The following DERPC variants were observed in gnomAD, a reference collection of about 807,000 sequenced individuals.
DERPC encodes the protein DERPC proline and glycine rich nuclear protein.
A neutral mutation model predicts 7.2 loss-of-function variants in DERPC; 1 was observed. The observed-to-expected ratio is 0.14, with a 90% CI of 0.05 to 0.66. The LOEUF is 0.66. Among genes scored for constraint, DERPC ranks in the 30% least tolerant of loss-of-function variants. The probability of loss-of-function intolerance (pLI) is 0.84; values close to 1 mark genes in which losing one functional copy is unlikely to be tolerated. For missense variants in DERPC, 502 were observed against 299.4 expected, an observed-to-expected ratio of 1.68 and a Z score of -4.99; for synonymous variants, 185 against 117.6, an observed-to-expected ratio of 1.57 and a Z score of -3.71.
intron 1 of DERPC, among the ~76,000 whole-genome samples, chr16:69,123,672 T>C (rs1961846039): frequency 1.3e-5 from 2 of 151,976 alleles, no homozygotes; most frequent in Non-Finnish European, 2.9e-5. Context: ...AATCAATAAA[T>C]CCAAGGGAAC....
chr16:69,128,794 G>A (rs569371716), intron 1 of DERPC, among the ~76,000 whole-genome samples: 2 of 152,166 alleles, frequency 1.3e-5, no homozygotes, highest in South Asian at 2.1e-4. Context: ...CGCCAGGCAC[G>A]GTGGCTCACG....
At chr16:69,128,867 C>T (rs1273277398) in intron 1 of DERPC, among the ~76,000 whole-genome samples, 1 of 151,986 alleles carries the variant, frequency 6.6e-6, no homozygotes, top group Non-Finnish European at 1.5e-5. Flanking sequence ...AGTTCGAAAT[C>T]AGCTTGACCA....
chr16:69,126,120 TG>T (rs1257074293), intron 1 of DERPC, among the ~76,000 whole-genome samples: 1 of 152,172 alleles, frequency 6.6e-6, no homozygotes, highest in East Asian at 1.9e-4. Context: ...TTTTCCTGGA[TG>T]GGTACAAGTG....
rs76333028 is a variant in DERPC at position 69,126,347 on chromosome 16, C to G, written c.-279-4854G>C. ...CAGTCTCCTGTTCTGAACAGGAATT[C>G]AGAACAATGGTGTCGAAAACACATT... On this transcript the variant is annotated intron_variant, in intron 1 of 2. Transcript: ENST00000519520. 1.9e-3 allele frequency among the ~76,000 whole-genome samples: 289 copies of G among 152,316 alleles called. 7 individuals are homozygous for G. The East Asian group carries it at 0.054, about 28-fold the overall frequency.
rs531861048 is a variant in DERPC, at chr16:69,118,629, T to C, written c.*225A>G. On this transcript the variant is annotated 3_prime_UTR_variant, in exon 3 of 3. Coordinates refer to ENST00000519520, the MANE Select transcript of DERPC (RefSeq NM_001002847.4). ...AGGCTTCTGGGAGGCTGGAGATCCT[T>C]TCTCTCAAGGGCAGGATTATTCCCA... is the stretch of plus-strand genomic sequence containing the variant. 2.8e-6 allele frequency: 2 copies of C among 703,276 alleles called. No individual in the cohort carries two copies. Among genetic ancestry groups the C allele is most frequent in the South Asian group, 1.5e-5 (1 of 67,458 alleles). The allele number at this position is 703,276 out of a possible 1,614,324, so 43.6% of individuals were successfully genotyped here. A position where few individuals can be genotyped will look rare whatever the true frequency, so the allele number is the denominator to read the frequency against.
chr16:69,130,784 A>T (rs1323959643), intron 1 of DERPC, among the ~76,000 whole-genome samples: 3 of 152,250 alleles, frequency 2.0e-5, no homozygotes, highest in Admixed American at 2.0e-4. Context: ...CTGTGTTAGC[A>T]TATTAATGTT....
chr16:69,124,504 A>G lies in DERPC; in HGVS notation c.-279-3011T>C, dbSNP rs537556509. On this transcript the variant is annotated intron_variant, in intron 1 of 2. Coordinates refer to ENST00000519520, the MANE Select transcript of DERPC (RefSeq NM_001002847.4). ...AGTGGCATGATCTCGGCTCACCACAACCTTCACCTTCCAGCTTCAAGTGAT... is the reference window on the plus strand; with the variant it reads ...AGTGGCATGATCTCGGCTCACCACAGCCTTCACCTTCCAGCTTCAAGTGAT... Among the ~76,000 whole-genome samples the G allele has an allele frequency of 1.6e-4, 25 of 151,802 alleles. 1 individual carries two copies. In the South Asian group the frequency reaches 1.7e-3, roughly 10 times the overall value.
chr16:69,130,043 T>C (rs180899095), intron 1 of DERPC, among the ~76,000 whole-genome samples: 1 of 152,368 alleles, frequency 6.6e-6, no homozygotes, highest in Admixed American at 6.5e-5. Flanking sequence ...AGTATTCATT[T>C]TAATCTTCCA....
At position 69,118,173 on chromosome 16, in the gene DERPC, TGA is replaced by T; in HGVS notation, c.*679_*680del. On this transcript the variant is annotated 3_prime_UTR_variant, in exon 3 of 3. Coordinates refer to ENST00000519520, the MANE Select transcript of DERPC (RefSeq NM_001002847.4). ...TTCCCATCCACATCAGTTTAAATTT[TGA>T]GGTTCTTTGATTGATTGGGAGTACC... The T allele has an allele frequency of 1.7e-6, 1 of 583,098 alleles. No individual in the cohort carries two copies. The highest frequency in any genetic ancestry group is 3.1e-6 in the Non-Finnish European group (1 of 326,868). The allele number at this position is 583,098 out of a possible 1,614,324, so 36.1% of individuals were successfully genotyped here. A position where few individuals can be genotyped will look rare whatever the true frequency, so the allele number is the denominator to read the frequency against.
chr16:69,120,968 A>C lies in DERPC; in HGVS notation c.-221-319T>G. 1 of 1,120,062 alleles carries C rather than the reference A, an allele frequency of 8.9e-7. No individual in the cohort carries two copies. The highest frequency in any genetic ancestry group is 1.4e-6 in the Non-Finnish European group (1 of 728,722). 69.4% of individuals were successfully genotyped at this position (1,120,062 alleles called of 1,614,324 possible). ...AGGCCTTGAATAACAAACCTGAGGC[A>C]GTCCTCACTCTGGGTCCTGGGAGCA... On this transcript the variant is annotated intron_variant, in intron 2 of 2. Coordinates refer to ENST00000519520, the MANE Select transcript of DERPC (RefSeq NM_001002847.4). This position sits in a 1 kb window ranked among gnomAD's most constrained non-coding sequence, Gnocchi z 4.0.
Position 69,119,854 on chromosome 16 carries a change from G to C in DERPC, c.575C>G (p.Thr192Ser). 1 of 701,356 alleles carries C rather than the reference G, an allele frequency of 1.4e-6. No homozygotes were observed. The highest frequency in any genetic ancestry group is 2.6e-6 in the Non-Finnish European group (1 of 384,960). The allele number at this position is 701,356 out of a possible 1,614,324, so 43.4% of individuals were successfully genotyped here. ...GPNLRAGVLL[T>S]SGNGPPNPRP... ...AGGATTGGGAGGACCATTCCCAGAG[G>C]TTAACAGAACACCGGCTCTCAGGTT... Residue 192 changes from threonine (T) to serine (S), a missense_variant, in exon 3 of 3, where the codon ACC (threonine) becomes AGC (serine). By Grantham distance (58) the Thr-to-Ser change is moderately conservative (BLOSUM62 1). Transcript: ENST00000519520.
chr16:69,129,755 T>C (rs1962360832), intron 1 of DERPC, among the ~76,000 whole-genome samples: 1 of 152,158 alleles, frequency 6.6e-6, no homozygotes, highest in Non-Finnish European at 1.5e-5. Flanking sequence ...GTATGATAAC[T>C]TCCCTTGCTT....
chr16:69,127,161 C>T (rs1343708530), intron 1 of DERPC, among the ~76,000 whole-genome samples: 2 of 151,676 alleles, frequency 1.3e-5, no homozygotes, highest in Non-Finnish European at 2.9e-5. Context: ...TTGCTTGAAC[C>T]TGGGAGGCGG....
In DERPC at chr16:69,119,923, G is replaced by A. The variant is rs1056360856; in HGVS notation, c.506C>T (p.Pro169Leu). The A allele has an allele frequency of 1.4e-6, 1 of 702,602 alleles. No individual in the cohort carries two copies. The highest frequency in any genetic ancestry group is 2.0e-5 in the Admixed American group (1 of 50,026). 43.5% of individuals were successfully genotyped at this position (702,602 alleles called of 1,614,324 possible). A position where few individuals can be genotyped will look rare whatever the true frequency, so the allele number is the denominator to read the frequency against. ...PRAGGLLGAG[P>L]DPRGGGPMGP... is the part of the protein sequence containing the mutation. ...CATGGGACCACCACCTCTGGGGTCA[G>A]GACCTGCTCCCAGGAGACCACCTGC... The change falls in exon 3 of 3, where the codon CCT becomes CTT. Residue 169 changes from proline (P) to leucine (L), a missense_variant. Physicochemically the swap from Pro to Leu is moderately conservative, Grantham distance 98. Coordinates refer to ENST00000519520, the MANE Select transcript of DERPC (RefSeq NM_001002847.4).
intron 1 of DERPC, among the ~76,000 whole-genome samples, chr16:69,127,703 A>G (rs955192912): frequency 4.8e-4 from 67 of 140,902 alleles, no homozygotes; most frequent in Non-Finnish European, 8.7e-4. Flanking sequence ...TCTGTCTCCC[A>G]GGTTCAAGTG....
At chr16:69,126,619 A>G (rs531326938) in intron 1 of DERPC, among the ~76,000 whole-genome samples, 2 of 152,336 alleles carry the variant, frequency 1.3e-5, no homozygotes, top group East Asian at 3.9e-4. Context: ...TGTATGTAGA[A>G]ATGAAGTTCG....
chr16:69,129,458 A>T (rs953114526), intron 1 of DERPC, among the ~76,000 whole-genome samples: 1 of 151,794 alleles, frequency 6.6e-6, no homozygotes, highest in Non-Finnish European at 1.5e-5. Context: ...AAAGGAAGAA[A>T]AGTAAAGTCC....
Position 69,121,503 on chromosome 16 carries a change from G to T in DERPC, c.-279-10C>A. 2 of 1,526,354 alleles carry T rather than the reference G, an allele frequency of 1.3e-6. No individual in the cohort carries two copies. The highest frequency in any genetic ancestry group is 1.2e-5 in the South Asian group (1 of 84,212). The allele number at this position is 1,526,354 out of a possible 1,614,324, so 94.6% of individuals were successfully genotyped here. ...AGCAAGTGAAAACAAGCTGTAGAGA[G>T]AAAAAAAGAGATTTAGGGTAATAAC... is the stretch of plus-strand genomic sequence containing the variant. On this transcript the variant is annotated splice_polypyrimidine_tract_variant and intron_variant, in intron 1 of 2. Transcript: ENST00000519520.
intron 1 of DERPC, among the ~76,000 whole-genome samples, chr16:69,122,650 C>T (rs747441415): frequency 2.6e-5 from 4 of 151,660 alleles, no homozygotes; most frequent in Non-Finnish European, 5.9e-5. Flanking sequence ...AAGTGATTCT[C>T]GTGCTTCAGC....
Sources: gnomAD v4.1 joint callset for allele counts (sites outside exome capture counted in the v4.1 genomes callset) on GRCh38, gnomAD v4.1.1 for gene constraint, Gnocchi (gnomAD v3.1) non-coding constraint, MANE v1.5 for transcripts, NCBI Gene and HGNC (gene_info 2026-07-23, HGNC 2026-07-21) for gene names.